The following PHKB variants were observed in gnomAD, a reference collection of about 807,000 sequenced individuals.
The protein encoded by PHKB is phosphorylase kinase regulatory subunit beta.
PHKB carries 122 observed loss-of-function variants against 152.1 expected under a neutral mutation model. The ratio of observed to expected loss-of-function variants is 0.80; its 90% CI spans 0.69 to 0.93. PHKB has a LOEUF of 0.93. PHKB is among the 40% of genes least tolerant of loss of function. PHKB has a pLI of 0.00. For synonymous variants in PHKB, 436 were observed against 464.9 expected (o/e 0.94, Z 0.80); for missense variants, 1,304 against 1,328.4 (o/e 0.98, Z 0.29).
At chr16:47,558,030 T>C (rs552262194) in intron 7 of PHKB, among the ~76,000 whole-genome samples, 3 of 151,176 alleles carry the variant, frequency 2.0e-5, no homozygotes, top group East Asian at 3.9e-4. Context: ...GTGGCACATA[T>C]ACACCATGGA....
intron 5 of PHKB, among the ~76,000 whole-genome samples, chr16:47,514,661 A>T (rs1209853156): frequency 6.6e-6 from 1 of 152,176 alleles, no homozygotes; most frequent in African/African-American, 2.4e-5. Flanking sequence ...CCCAGAAATA[A>T]TGCTTTGCCA....
chr16:47,566,642 G>A (rs1294433942), intron 7 of PHKB: 53 of 1,062,250 alleles, frequency 5.0e-5, no homozygotes, highest in Non-Finnish European at 6.9e-5. Context: ...GGCTCCAGTC[G>A]ATATTGGGTT....
chr16:47,464,118 CCCGG>C (rs1969625465), intron 1 of PHKB: 2 of 727,324 alleles, frequency 2.7e-6, no homozygotes, highest in African/African-American at 3.5e-5. Flanking sequence ...GGCCTGAGTA[CCCGG>C]CTGGTGTTTT....
intron 26 of PHKB, among the ~76,000 whole-genome samples, chr16:47,685,730 GT>G (rs1178141654): frequency 1.3e-5 from 2 of 149,814 alleles, no homozygotes; most frequent in Non-Finnish European, 1.5e-5. Context: ...AATAAATGTG[GT>G]TTTTTTTCTT....
chr16:47,589,352 A>C (rs1248397430), intron 10 of PHKB, among the ~76,000 whole-genome samples: 3 of 152,242 alleles, frequency 2.0e-5, no homozygotes, highest in African/African-American at 7.2e-5. Context: ...CACATAGTGA[A>C]TGCTCAGTAA....
At chr16:47,565,337 T>C (rs554035721) in intron 7 of PHKB, 2 of 833,512 alleles carry the variant, frequency 2.4e-6, no homozygotes, top group East Asian at 2.5e-5. Context: ...TACTTTATTT[T>C]CATCTTTTCT....
chr16:47,493,432 A>G (rs1970183296), intron 1 of PHKB, among the ~76,000 whole-genome samples: 1 of 152,222 alleles, frequency 6.6e-6, no homozygotes, highest in Non-Finnish European at 1.5e-5. Context: ...GCTTTTTAAA[A>G]TTGAGAGTAC....
intron 16 of PHKB, among the ~76,000 whole-genome samples, chr16:47,647,916 T>C (rs1296613382): frequency 6.6e-6 from 1 of 152,214 alleles, no homozygotes; most frequent in Non-Finnish European, 1.5e-5. Context: ...AATATGAGTA[T>C]ATATTTATTG....
rs1049662683 is a variant in PHKB at position 47,606,595 on chromosome 16, C to T, written c.1364-4231C>T. 2.6e-5 allele frequency among the ~76,000 whole-genome samples: 4 copies of T among 152,304 alleles called. No homozygotes were observed. In the South Asian group the frequency reaches 8.3e-4, roughly 32 times the overall value. On this transcript the variant is annotated intron_variant, in intron 13 of 30. Transcript: ENST00000323584. ...TTAATTTGCACATGTGTGAGCATAA[C>T]TAAGATAACTTTACAGATGCGGACT... is the stretch of plus-strand genomic sequence containing the variant.
At chr16:47,549,703 A>G (rs1204260415) in intron 7 of PHKB, among the ~76,000 whole-genome samples, 1 of 152,096 alleles carries the variant, frequency 6.6e-6, no homozygotes, top group Non-Finnish European at 1.5e-5. Context: ...ACAAAAAGAA[A>G]GAAAAAAAAA....
intron 7 of PHKB, among the ~76,000 whole-genome samples, chr16:47,570,292 GT>G (rs1237398816): frequency 6.6e-6 from 1 of 152,178 alleles, no homozygotes; most frequent in Non-Finnish European, 1.5e-5. Context: ...TCTCCCAGGA[GT>G]TTTTTGAGCT....
At chr16:47,569,466 A>C (rs1192375960) in intron 7 of PHKB, among the ~76,000 whole-genome samples, 1 of 152,166 alleles carries the variant, frequency 6.6e-6, no homozygotes, top group Non-Finnish European at 1.5e-5. Flanking sequence ...CCATTCTGCC[A>C]ATCTGTATCT....
chr16:47,585,602 A>G (rs893779961), intron 8 of PHKB, among the ~76,000 whole-genome samples: 1 of 152,216 alleles, frequency 6.6e-6, no homozygotes, highest in Non-Finnish European at 1.5e-5. Flanking sequence ...TGCCTAAAGC[A>G]TGGGATATTT....
At chr16:47,462,767 T>G (rs1969595261) in intron 1 of PHKB, 1 of 151,320 alleles carries the variant, frequency 6.6e-6, no homozygotes, top group South Asian at 2.1e-4. Context: ...GTAAATCTAA[T>G]TTCTGAAAAT....
chr16:47,543,454 A>G (rs1003410422), intron 6 of PHKB, among the ~76,000 whole-genome samples: 2 of 152,174 alleles, frequency 1.3e-5, no homozygotes, highest in African/African-American at 4.8e-5. Context: ...ATATTGGTCT[A>G]AAATTCTCTT....
chr16:47,516,851 T>C (rs945966706), intron 6 of PHKB, among the ~76,000 whole-genome samples: 1 of 152,220 alleles, frequency 6.6e-6, no homozygotes, highest in African/African-American at 2.4e-5. Context: ...GTCAAAGAAT[T>C]CTATGGTTTC....
Position 47,547,626 on chromosome 16 carries a change from G to A in PHKB, c.710+78G>A, listed in dbSNP as rs1431103238. Reference sequence around the variant, plus strand: ...AATATGAAGAAATACTGAAGCATTAGATTGGAACTGTGATTCATATGTTAA... The same window carrying A: ...AATATGAAGAAATACTGAAGCATTAAATTGGAACTGTGATTCATATGTTAA... On this transcript the variant is annotated intron_variant, in intron 7 of 30. Coordinates refer to ENST00000323584, the MANE Select transcript of PHKB (RefSeq NM_000293.3). 7.3e-6 allele frequency: 6 copies of A among 823,198 alleles called. No individual in the cohort carries two copies. The Admixed American group carries it at 9.8e-5, about 13-fold the overall frequency. The allele number at this position is 823,198 out of a possible 1,614,324, so 51.0% of individuals were successfully genotyped here.
At chr16:47,512,865 C>T (rs1970533949) in intron 5 of PHKB, among the ~76,000 whole-genome samples, 2 of 152,138 alleles carry the variant, frequency 1.3e-5, no homozygotes, top group Admixed American at 6.5e-5. Flanking sequence ...TTTATAGTCC[C>T]TCTCACTTTA....
chr16:47,645,710 G>T (rs1233771113), intron 16 of PHKB, among the ~76,000 whole-genome samples: 1 of 151,972 alleles, frequency 6.6e-6, no homozygotes, highest in Admixed American at 6.6e-5. Context: ...CTTTCAAAAA[G>T]TGGGCGAAGG....
Sources: allele counts gnomAD v4.1 joint callset (sites outside exome capture counted in the v4.1 genomes callset), GRCh38; gene constraint gnomAD v4.1.1; transcripts MANE v1.5; gene names NCBI Gene and HGNC (gene_info 2026-07-23, HGNC 2026-07-21).